The following LPCAT1 variants were observed in gnomAD, a reference collection of about 807,000 sequenced individuals.
LPCAT1 encodes 1-acylglycerol-3-phosphate O-acyltransferase.
Under a neutral mutation model 60.9 loss-of-function variants are expected in LPCAT1, and 23 were observed. That is an observed-to-expected ratio of 0.38 (90% CI 0.27 to 0.53). LPCAT1 has a LOEUF of 0.53. Ranked by LOEUF, LPCAT1 falls within the 20% of genes least tolerant of loss-of-function variation. The probability of loss-of-function intolerance (pLI) is 0.82; values close to 1 mark genes in which losing one functional copy is unlikely to be tolerated. For missense variants in LPCAT1, 622 were observed against 723.6 expected, an observed-to-expected ratio of 0.86 and a Z score of 1.61; for synonymous variants, 340 against 301.1, an observed-to-expected ratio of 1.13 and a Z score of -1.34.
Position 1,490,733 on chromosome 5 carries a change from G to A in LPCAT1, c.494-875C>T, listed in dbSNP as rs528272789. Among the ~76,000 whole-genome samples, 33 of 152,350 alleles carry A rather than the reference G, an allele frequency of 2.2e-4. No homozygotes were observed. In the South Asian group the frequency reaches 2.3e-3, roughly 11 times the overall value. On this transcript the variant is annotated intron_variant, in intron 3 of 13. Transcript: ENST00000283415. Reference sequence around the variant, plus strand: ...AAGGCTGGTGCTCAGCCAAGGCAACGTGGCCACGGCACCTGTCTTTATGCA... The same window carrying A: ...AAGGCTGGTGCTCAGCCAAGGCAACATGGCCACGGCACCTGTCTTTATGCA...
At position 1,490,134 on chromosome 5, in the gene LPCAT1, G is replaced by A. The variant is rs148088883; in HGVS notation, c.494-276C>T. Among the ~76,000 whole-genome samples the A allele has an allele frequency of 3.3e-5, 5 of 152,348 alleles. No individual in the cohort carries two copies. In the East Asian group the frequency reaches 5.8e-4, roughly 18 times the overall value. Reference sequence around the variant, plus strand: ...CCACTGAGGACACGGAGCACAGAACGGAGGTCAATGAAAGACAACCGCCAG... The same window carrying A: ...CCACTGAGGACACGGAGCACAGAACAGAGGTCAATGAAAGACAACCGCCAG... On this transcript the variant is annotated intron_variant, in intron 3 of 13. Coordinates refer to ENST00000283415, the MANE Select transcript of LPCAT1 (RefSeq NM_024830.5).
chr5:1,488,771 C>G (rs1462080992), intron 4 of LPCAT1, among the ~76,000 whole-genome samples: 1 of 152,226 alleles, frequency 6.6e-6, no homozygotes, highest in Non-Finnish European at 1.5e-5. Context: ...AAATATAACC[C>G]ACGGTTGGCA....
chr5:1,470,748 C>T, intron 12 of LPCAT1, 78 bp downstream of exon 12: 2 of 1,069,954 alleles, frequency 1.9e-6, no homozygotes, highest in Non-Finnish European at 2.7e-6. Flanking sequence ...TTATAAGGAA[C>T]TAGAGAAATG....
intron 1 of LPCAT1, among the ~76,000 whole-genome samples, chr5:1,504,523 C>T (rs1736122869): frequency 6.6e-6 from 1 of 152,172 alleles, no homozygotes; most frequent in South Asian, 2.1e-4. Context: ...TCGAGACCAG[C>T]CTGACCAACA....
At chr5:1,492,826 C>T (rs145165579) in intron 3 of LPCAT1, among the ~76,000 whole-genome samples, 120 of 152,352 alleles carry the variant, frequency 7.9e-4, no homozygotes, top group Middle Eastern at 6.8e-3. Flanking sequence ...AGAGCCCGGC[C>T]AACGCTCAGA....
chr5:1,518,102 C>T (rs55707452), intron 1 of LPCAT1, among the ~76,000 whole-genome samples: 8,859 of 152,328 alleles, frequency 0.058, 361 homozygotes, highest in Middle Eastern at 0.13. Context: ...CACGGCCCTG[C>T]GGCCTCTCTC....
intron 13 of LPCAT1, among the ~76,000 whole-genome samples, chr5:1,464,927 C>A (rs1238203590): frequency 3.3e-5 from 5 of 150,376 alleles, no homozygotes; most frequent in African/African-American, 1.3e-4. Flanking sequence ...CGTGCACACA[C>A]AAAACAAGCA....
chr5:1,510,513 T>A (rs1426135949), intron 1 of LPCAT1, among the ~76,000 whole-genome samples: 1 of 152,146 alleles, frequency 6.6e-6, no homozygotes, highest in African/African-American at 2.4e-5. Context: ...CCTAGACCAC[T>A]CCATTTACCA....
rs1736686753 is a variant in LPCAT1, at chr5:1,521,818, G to A, written c.135+1892C>T. Among the ~76,000 whole-genome samples the A allele has an allele frequency of 6.6e-6, 1 of 152,194 alleles. No homozygotes were observed. The highest frequency in any genetic ancestry group is 2.4e-5 in the African/African-American group (1 of 41,454). On this transcript the variant is annotated intron_variant, in intron 1 of 13. Transcript: ENST00000283415. This position sits in a 1 kb window ranked among gnomAD's most constrained non-coding sequence, Gnocchi z 4.3. The stretch of plus-strand genomic sequence containing the variant: ...ACCCCCTGCCCAAGAGCCACTGGGA[G>A]CAGCTTGCACCCTGAGGTCTCGGGG...
At position 1,489,763 on chromosome 5, in the gene LPCAT1, T is replaced by C; in HGVS notation, c.589A>G (p.Asn197Asp). 1 of 1,613,452 alleles carries C rather than the reference T, an allele frequency of 6.2e-7. No homozygotes were observed. Among genetic ancestry groups the C allele is most frequent in the Non-Finnish European group, 8.5e-7 (1 of 1,179,312 alleles). ...TGCATTACCTGTGGCCACTTTCCGT[T>C]GGACTGCGCCCGTCTCTTGATTTCT... The part of the protein sequence containing the change: ...VEEIKRRAQS[N>D]GKWPQIMIFP... Residue 197 changes from asparagine (N) to aspartate (D), a missense_variant, in exon 4 of 14, where the codon AAC becomes GAC. By Grantham distance (23) the Asn-to-Asp change is conservative (BLOSUM62 1). Transcript: ENST00000283415.
rs2126511018 is a variant in LPCAT1 at position 1,476,999 on chromosome 5, C to T, written c.899+405G>A. ...AAGATTAAATGTGCAACCACCACTC[C>T]ACTCTGCCAGATAGAGTAAGGGCAC... On this transcript the variant is annotated intron_variant, in intron 9 of 13. Transcript: ENST00000283415. The surrounding 1 kb of genome is among the most constrained non-coding windows in gnomAD (Gnocchi z 8.6). Among the ~76,000 whole-genome samples, 2 of 152,334 alleles carry T rather than the reference C, an allele frequency of 1.3e-5. No individual in the cohort carries two copies. Among genetic ancestry groups the T allele is most frequent in the East Asian group, 3.9e-4 (2 of 5,184 alleles).
chr5:1,519,291 G>A (rs757030768), intron 1 of LPCAT1, among the ~76,000 whole-genome samples: 1 of 152,252 alleles, frequency 6.6e-6, no homozygotes, highest in Non-Finnish European at 1.5e-5. Flanking sequence ...GCATGTATAT[G>A]CCTGTGTATG....
rs200676132 is a variant in LPCAT1, at chr5:1,501,416, C to T, written c.278+45G>A. The T allele has an allele frequency of 2.7e-5, 43 of 1,565,550 alleles. No individual in the cohort carries two copies. The East Asian group carries it at 5.9e-4, about 21-fold the overall frequency. ...AGAATGGGTTCCCACTGTTTGGCCG[C>T]GTGACCCCCCCCCAGGAGGAGAGCA... On this transcript the variant is annotated intron_variant, in intron 2 of 13. Coordinates refer to ENST00000283415, the MANE Select transcript of LPCAT1 (RefSeq NM_024830.5).
chr5:1,501,359 G>A, intron 2 of LPCAT1, 102 bp downstream of exon 2: 2 of 1,439,394 alleles, frequency 1.4e-6, no homozygotes, highest in East Asian at 2.5e-5. Context: ...AAGGACAGAT[G>A]GGCTAGGGTG....
At chr5:1,463,964 G>T in intron 13 of LPCAT1, 129 bp from the exon 14 acceptor site, 1 of 905,452 alleles carries the variant, frequency 1.1e-6, no homozygotes. Context: ...AATCGTCTGT[G>T]AAACGGATGC....
At chr5:1,492,289 G>A (rs547566878) in intron 3 of LPCAT1, among the ~76,000 whole-genome samples, 1 of 151,168 alleles carries the variant, frequency 6.6e-6, no homozygotes, top group Non-Finnish European at 1.5e-5. Context: ...CTGGGGAGAT[G>A]TCTCTGAGCT....
chr5:1,519,879 G>A (rs963825493), intron 1 of LPCAT1, among the ~76,000 whole-genome samples: 2 of 152,204 alleles, frequency 1.3e-5, no homozygotes, highest in African/African-American at 4.8e-5. Flanking sequence ...TCCTCCCCAA[G>A]GGACAGGCAC....
chr5:1,506,307 C>T lies in LPCAT1; in HGVS notation c.136-4704G>A, dbSNP rs4975654. Among the ~76,000 whole-genome samples the T allele has an allele frequency of 2.5e-3, 380 of 152,368 alleles. 1 individual carries two copies. Among genetic ancestry groups the T allele is most frequent in the Admixed American group, 5.2e-3 (79 of 15,312 alleles). On this transcript the variant is annotated intron_variant, in intron 1 of 13. Transcript: ENST00000283415. The stretch of plus-strand genomic sequence containing the variant: ...CCTCACCCAGCTCTGGGCCTGTGCG[C>T]TCTTTCTCTGCCAGGCTCGGCCCGC...
chr5:1,467,060 G>A, intron 12 of LPCAT1, 170 bp from the exon 13 acceptor site: 1 of 593,834 alleles, frequency 1.7e-6, no homozygotes. Flanking sequence ...CATGCAGCAG[G>A]GCCCTGTGCC....
Sources: gnomAD v4.1 joint callset for allele counts (sites outside exome capture counted in the v4.1 genomes callset) on GRCh38, gnomAD v4.1.1 for gene constraint, Gnocchi (gnomAD v3.1) non-coding constraint, MANE v1.5 for transcripts, NCBI Gene and HGNC (gene_info 2026-07-23, HGNC 2026-07-21) for gene names.